TBC1D4: variants seen among roughly 807,000 people sequenced by gnomAD.
TBC1D4 encodes the protein TBC (Tre-2, BUB2, CDC16) domain-containing protein.
A neutral mutation model predicts 142.5 loss-of-function variants in TBC1D4; 121 were observed. That is an observed-to-expected ratio of 0.85 (90% CI 0.73 to 0.99). The LOEUF (loss-of-function observed/expected upper bound fraction) is 0.99, where lower values mean the gene tolerates loss of function less well. Ranked by LOEUF, TBC1D4 falls within the 50% of genes least tolerant of loss-of-function variation. The pLI, the probability that TBC1D4 is intolerant of heterozygous loss-of-function variation, is 0.00. For synonymous variants in TBC1D4, 630 were observed against 628.2 expected (o/e 1.00, Z -0.04); for missense variants, 1,475 against 1,606.6 (o/e 0.92, Z 1.40).
At chr13:75,294,013 C>G (rs1276615396) in intron 18 of TBC1D4, among the ~76,000 whole-genome samples, 2 of 152,134 alleles carry the variant, frequency 1.3e-5, no homozygotes, top group African/African-American at 4.8e-5. Context: ...AATAGATTAT[C>G]AGAACATAAA....
At chr13:75,472,339 A>T (rs1352759426) in intron 1 of TBC1D4, among the ~76,000 whole-genome samples, 2 of 152,110 alleles carry the variant, frequency 1.3e-5, no homozygotes, top group Non-Finnish European at 2.9e-5. Context: ...GAACTGCTTG[A>T]ACCTGGGAGG....
At chr13:75,407,972 T>C (rs1885421658) in intron 1 of TBC1D4, among the ~76,000 whole-genome samples, 1 of 152,172 alleles carries the variant, frequency 6.6e-6, no homozygotes, top group African/African-American at 2.4e-5. Context: ...TTTATTAATA[T>C]ATAATTTACA....
intron 1 of TBC1D4, among the ~76,000 whole-genome samples, chr13:75,405,187 A>T (rs1325391561): frequency 6.6e-6 from 1 of 152,126 alleles, no homozygotes. Context: ...AATAGTAAAC[A>T]TATAATTTTT....
chr13:75,429,689 T>C (rs111982870), intron 1 of TBC1D4, among the ~76,000 whole-genome samples: 1,826 of 151,944 alleles, frequency 0.012, 15 homozygotes, highest in Non-Finnish European at 0.02. Context: ...TAAAAAAGTA[T>C]TGGGGGAGAA....
intron 1 of TBC1D4, among the ~76,000 whole-genome samples, chr13:75,457,176 T>G (rs1356031716): frequency 6.6e-6 from 1 of 152,184 alleles, no homozygotes; most frequent in South Asian, 2.1e-4. Context: ...GCTGGAAATA[T>G]TCTACATTTT....
chr13:75,285,695 T>C lies in TBC1D4; in HGVS notation c.*1097A>G, dbSNP rs1874605548. The C allele has an allele frequency of 6.6e-6, 1 of 152,596 alleles. No individual in the cohort carries two copies. The highest frequency in any genetic ancestry group is 2.1e-4 in the South Asian group (1 of 4,832). 9.5% of individuals were successfully genotyped at this position (152,596 alleles called of 1,614,324 possible). The stretch of plus-strand genomic sequence containing the variant: ...TTCACAGTTCTCAAAACTTTTCACA[T>C]AAAAGGGGAAGATTATTAAAGCTTA... On this transcript the variant is annotated 3_prime_UTR_variant, in exon 21 of 21. Coordinates refer to ENST00000377636, the MANE Select transcript of TBC1D4 (RefSeq NM_014832.5).
chr13:75,359,569 C>A (rs902722712), intron 3 of TBC1D4, among the ~76,000 whole-genome samples, 200 bp downstream of exon 3: 2 of 152,136 alleles, frequency 1.3e-5, no homozygotes, highest in Non-Finnish European at 2.9e-5. Flanking sequence ...AGGATAGATA[C>A]CAAGGGACCT....
intron 1 of TBC1D4, among the ~76,000 whole-genome samples, chr13:75,469,613 A>T (rs544346244): frequency 7.9e-5 from 12 of 152,212 alleles, no homozygotes; most frequent in East Asian, 3.9e-4. Context: ...TCTACAAAAA[A>T]TTTTTTAAAA....
chr13:75,473,632 G>A (rs887903573), intron 1 of TBC1D4, among the ~76,000 whole-genome samples: 1 of 152,202 alleles, frequency 6.6e-6, no homozygotes, highest in African/African-American at 2.4e-5. Flanking sequence ...TTTTTAGCCA[G>A]AAAGATTCCA....
intron 4 of TBC1D4, among the ~76,000 whole-genome samples, chr13:75,355,179 G>A (rs1376786453): frequency 6.6e-6 from 1 of 152,182 alleles, no homozygotes; most frequent in African/African-American, 2.4e-5. Flanking sequence ...TTCACCAAGG[G>A]CACAAGGGCA....
chr13:75,352,412 T>C (rs1430843451), intron 4 of TBC1D4, among the ~76,000 whole-genome samples: 1 of 152,158 alleles, frequency 6.6e-6, no homozygotes, highest in Non-Finnish European at 1.5e-5. Context: ...CTTTTGGTTA[T>C]ACTTTCCCTA....
intron 1 of TBC1D4, among the ~76,000 whole-genome samples, chr13:75,391,285 C>T (rs527951145): frequency 1.7e-4 from 26 of 152,056 alleles, no homozygotes; most frequent in African/African-American, 3.1e-4. Flanking sequence ...CTAACTACTA[C>T]GCCAATTCTC....
chr13:75,303,503 G>A (rs1307999618), intron 15 of TBC1D4, among the ~76,000 whole-genome samples: 1 of 152,022 alleles, frequency 6.6e-6, no homozygotes, highest in Non-Finnish European at 1.5e-5. Context: ...TTATGCCAAG[G>A]GAAATGAAGT....
At chr13:75,345,719 C>A (rs1881097058) in intron 5 of TBC1D4, among the ~76,000 whole-genome samples, 1 of 151,214 alleles carries the variant, frequency 6.6e-6, no homozygotes, top group Non-Finnish European at 1.5e-5. Flanking sequence ...ATGGTGAAAC[C>A]CCGTCTCTAA....
At position 75,303,475 on chromosome 13, in the gene TBC1D4, A is replaced by G. The variant is rs138531720; in HGVS notation, c.2753-1074T>C. ...AAAATGTATCACAAGCAGTTCAAGG[A>G]CACTATGACTATGTTTTTTATGCCA... On this transcript the variant is annotated intron_variant, in intron 15 of 20. Coordinates refer to ENST00000377636, the MANE Select transcript of TBC1D4 (RefSeq NM_014832.5). Among the ~76,000 whole-genome samples the G allele has an allele frequency of 3.4e-3, 525 of 152,350 alleles. 12 individuals carry two copies. Among genetic ancestry groups the G allele is most frequent in the East Asian group, 2.9e-3 (15 of 5,190 alleles).
At chr13:75,327,905 G>T in intron 8 of TBC1D4, 79 bp from the exon 9 acceptor site, 1 of 1,417,494 alleles carries the variant, frequency 7.1e-7, no homozygotes, top group Non-Finnish European at 9.9e-7. Flanking sequence ...GTTCCAGGTG[G>T]TCTCTTAATG....
chr13:75,324,282 T>C lies in TBC1D4; in HGVS notation c.2153A>G (p.Tyr718Cys). Residue 718 changes from tyrosine to cysteine, a missense_variant, in exon 11 of 21, where the codon TAC becomes TGC. Around this residue, in one of 2 missense-constraint regions of TBC1D4, gnomAD observed 1,227 missense variants for 1,267.7 expected, o/e 0.97. Transcript: ENST00000377636. ...TGGGGACAGTCTACCTGAATTCTGG[T>C]AAAAGCTTTTCAGGAAAGAGGGGGC... ...FTAPSFLKSF[Y>C]QNSGRLSPQY... The C allele has an allele frequency of 6.2e-7, 1 of 1,613,852 alleles. No individual in the cohort carries two copies. The highest frequency in any genetic ancestry group is 8.5e-7 in the Non-Finnish European group (1 of 1,179,834).
intron 1 of TBC1D4, among the ~76,000 whole-genome samples, chr13:75,440,200 GAAA>G (rs939923054): frequency 1.3e-5 from 2 of 150,240 alleles, no homozygotes; most frequent in Middle Eastern, 3.4e-3. Flanking sequence ...AACTGGAAAA[GAAA>G]AAAAAAGAAG....
chr13:75,400,688 G>C (rs7326818), intron 1 of TBC1D4, among the ~76,000 whole-genome samples: 5,246 of 149,972 alleles, frequency 0.035, 326 homozygotes, highest in African/African-American at 0.12. Context: ...GGATGGGCTC[G>C]ATCTCCTGAC....
Sources: allele counts gnomAD v4.1 joint callset (sites outside exome capture counted in the v4.1 genomes callset), GRCh38; gene constraint gnomAD v4.1.1; regional missense constraint gnomAD v4.1.1; transcripts MANE v1.5; gene names NCBI Gene and HGNC (gene_info 2026-07-23, HGNC 2026-07-21).